STPG2: variants seen among roughly 807,000 people sequenced by gnomAD.
The protein encoded by STPG2 is sperm tail PG-rich repeat containing 2.
STPG2 carries 56 observed loss-of-function variants against 54.2 expected under a neutral mutation model. The ratio of observed to expected loss-of-function variants is 1.03; its 90% CI spans 0.83 to 1.29. The LOEUF (loss-of-function observed/expected upper bound fraction) is 1.29. STPG2 is among the 50% of genes most tolerant of loss of function. The pLI is 0.00. For missense variants in STPG2, 596 were observed against 544.9 expected, an observed-to-expected ratio of 1.09 and a Z score of -0.93; for synonymous variants, 200 against 181.8, an observed-to-expected ratio of 1.10 and a Z score of -0.81.
intron 9 of STPG2, among the ~76,000 whole-genome samples, chr4:97,829,582 A>G (rs1728381232): frequency 6.6e-6 from 1 of 152,164 alleles, no homozygotes; most frequent in Non-Finnish European, 1.5e-5. Context: ...CCTCTGAGCT[A>G]AAGGAGCATG....
intron 9 of STPG2, among the ~76,000 whole-genome samples, chr4:97,736,590 C>G (rs184685069): frequency 6.6e-6 from 1 of 152,112 alleles, no homozygotes; most frequent in African/African-American, 2.4e-5. Flanking sequence ...CCTATGCCCA[C>G]GGAGTCTCAC....
At chr4:97,885,233 A>G (rs1173056663) in intron 8 of STPG2, among the ~76,000 whole-genome samples, 1 of 152,198 alleles carries the variant, frequency 6.6e-6, no homozygotes, top group Non-Finnish European at 1.5e-5. Context: ...GTTGGTGAAG[A>G]TACCAGAACT....
At chr4:97,897,691 T>C (rs72883003) in intron 8 of STPG2, among the ~76,000 whole-genome samples, 19,403 of 152,132 alleles carry the variant, frequency 0.13, 1,900 homozygotes, top group African/African-American at 0.26. Flanking sequence ...GATTGCTAGC[T>C]GCATGTATGT....
At chr4:97,478,215 A>G (rs1730126293) in intron 4 of STPG2, among the ~76,000 whole-genome samples, 1 of 152,184 alleles carries the variant, frequency 6.6e-6, no homozygotes, top group South Asian at 2.1e-4. Flanking sequence ...CAGAATACAC[A>G]AAGTAAATAA....
chr4:97,968,045 C>A (rs1448046558), intron 7 of STPG2, among the ~76,000 whole-genome samples: 1 of 152,034 alleles, frequency 6.6e-6, no homozygotes, highest in Non-Finnish European at 1.5e-5. Flanking sequence ...AACAAAAAAA[C>A]CTTCAAAAAA....
intron 10 of STPG2, among the ~76,000 whole-genome samples, chr4:97,572,883 T>C (rs1258704790): frequency 6.6e-6 from 1 of 152,156 alleles, no homozygotes; most frequent in Admixed American, 6.6e-5. Flanking sequence ...TTTTAATAAA[T>C]TTTACCTACT....
At chr4:97,813,881 A>G (rs914674532) in intron 9 of STPG2, among the ~76,000 whole-genome samples, 2 of 151,970 alleles carry the variant, frequency 1.3e-5, no homozygotes, top group Admixed American at 6.6e-5. Flanking sequence ...CCTGCTAATA[A>G]GCAAAATTCA....
At chr4:97,897,843 C>A (rs1731019198) in intron 8 of STPG2, among the ~76,000 whole-genome samples, 1 of 152,114 alleles carries the variant, frequency 6.6e-6, no homozygotes, top group African/African-American at 2.4e-5. Context: ...AATTTCCTCC[C>A]ATTCTGTAGG....
At chr4:97,911,080 G>A (rs531242302) in intron 8 of STPG2, among the ~76,000 whole-genome samples, 1 of 152,226 alleles carries the variant, frequency 6.6e-6, no homozygotes, top group Non-Finnish European at 1.5e-5. Context: ...CTCCAGCCAA[G>A]AAAGGGGGTG....
At chr4:97,631,538 T>C (rs1472119118) in intron 10 of STPG2, among the ~76,000 whole-genome samples, 1 of 152,130 alleles carries the variant, frequency 6.6e-6, no homozygotes, top group Non-Finnish European at 1.5e-5. Flanking sequence ...TAGATAATCA[T>C]CAGGTTAGTT....
chr4:97,738,957 T>G (rs1578521866), intron 9 of STPG2, among the ~76,000 whole-genome samples: 1 of 152,124 alleles, frequency 6.6e-6, no homozygotes, highest in African/African-American at 2.4e-5. Context: ...GACCAAATAG[T>G]TGGAAGTAAA....
intron 3 of STPG2, among the ~76,000 whole-genome samples, chr4:98,112,584 G>A (rs915568271): frequency 2.6e-5 from 4 of 152,098 alleles, no homozygotes; most frequent in Non-Finnish European, 5.9e-5. Flanking sequence ...ATGTTTGCAT[G>A]AAGTAAAATG....
At chr4:97,933,949 T>C (rs1366977773) in intron 8 of STPG2, among the ~76,000 whole-genome samples, 1 of 152,214 alleles carries the variant, frequency 6.6e-6, no homozygotes, top group Non-Finnish European at 1.5e-5. Flanking sequence ...ATAAATTACT[T>C]TGGGCAGTAT....
At chr4:97,978,880 C>T (rs1035287874) in intron 6 of STPG2, among the ~76,000 whole-genome samples, 8 of 151,868 alleles carry the variant, frequency 5.3e-5, no homozygotes, top group African/African-American at 1.2e-4. Context: ...TATGGTAATC[C>T]CTCATAGAAC....
intron 5 of STPG2, among the ~76,000 whole-genome samples, chr4:98,063,717 AAAT>A (rs2110101099): frequency 6.6e-6 from 1 of 152,020 alleles, no homozygotes; most frequent in Non-Finnish European, 1.5e-5. Flanking sequence ...TATCAAAATA[AAAT>A]AATAATAACA....
intron 5 of STPG2, among the ~76,000 whole-genome samples, chr4:98,091,875 A>G (rs920413540): frequency 6.6e-6 from 1 of 152,102 alleles, no homozygotes; most frequent in Admixed American, 6.5e-5. Flanking sequence ...GGCTTAGAAT[A>G]GCAAAATATC....
intron 7 of STPG2, among the ~76,000 whole-genome samples, chr4:97,957,822 C>T (rs546366445): frequency 1.3e-5 from 2 of 152,214 alleles, no homozygotes; most frequent in South Asian, 4.1e-4. Flanking sequence ...TGAAACTGAG[C>T]TTCAGGAATG....
At chr4:98,011,563 T>G (rs1735751797) in intron 5 of STPG2, among the ~76,000 whole-genome samples, 1 of 152,312 alleles carries the variant, frequency 6.6e-6, no homozygotes, top group East Asian at 1.9e-4. Context: ...TTAAACTAAT[T>G]TACTTTCCCA....
chr4:97,776,493 A>C (rs1726379114), intron 9 of STPG2, among the ~76,000 whole-genome samples: 1 of 152,188 alleles, frequency 6.6e-6, no homozygotes, highest in Non-Finnish European at 1.5e-5. Flanking sequence ...TTAGAAATAA[A>C]TATTCTTTAA....
Sources: gnomAD v4.1 joint callset for allele counts (sites outside exome capture counted in the v4.1 genomes callset) on GRCh38, gnomAD v4.1.1 for gene constraint, MANE v1.5 for transcripts, NCBI Gene and HGNC (gene_info 2026-07-23, HGNC 2026-07-21) for gene names.